Variants in EXOC6B observed in about 807,000 individuals in gnomAD.
EXOC6B encodes the protein SEC15 homolog B.
In EXOC6B, 54 loss-of-function variants were observed where a neutral mutation model predicts 113.5. The ratio of observed to expected loss-of-function variants is 0.48; its 90% CI spans 0.38 to 0.60. The LOEUF is 0.60. Ranked by LOEUF, EXOC6B falls within the 20% of genes least tolerant of loss-of-function variation. EXOC6B has a pLI of 0.00. For synonymous variants in EXOC6B, 357 were observed against 339.0 expected (o/e 1.05, Z -0.58); for missense variants, 797 against 977.5 (o/e 0.82, Z 2.46).
At chr2:72,269,324 G>C (rs1175274478) in intron 20 of EXOC6B, among the ~76,000 whole-genome samples, 1 of 152,132 alleles carries the variant, frequency 6.6e-6, no homozygotes, top group Non-Finnish European at 1.5e-5. Flanking sequence ...TTAAGGTATG[G>C]AGAAACACAT....
chr2:72,180,938 G>C (rs907030980), intron 21 of EXOC6B, among the ~76,000 whole-genome samples: 1 of 152,076 alleles, frequency 6.6e-6, no homozygotes, highest in South Asian at 2.1e-4. Context: ...GGCTGGGCGC[G>C]GTAGCTCACG....
At chr2:72,756,097 GC>G (rs1374328016) in intron 1 of EXOC6B, among the ~76,000 whole-genome samples, 3 of 152,046 alleles carry the variant, frequency 2.0e-5, no homozygotes, top group African/African-American at 7.2e-5. Context: ...CTGTGTTGGG[GC>G]GGGGGTTGTC....
At chr2:72,362,979 A>G (rs1031264577) in intron 19 of EXOC6B, among the ~76,000 whole-genome samples, 3 of 152,120 alleles carry the variant, frequency 2.0e-5, no homozygotes, top group Non-Finnish European at 4.4e-5. Context: ...AAACCCAGAC[A>G]CAGACTGAAT....
At chr2:72,782,072 A>G (rs757975354) in intron 1 of EXOC6B, among the ~76,000 whole-genome samples, 1 of 151,412 alleles carries the variant, frequency 6.6e-6, no homozygotes, top group Admixed American at 6.6e-5. Flanking sequence ...CCCGGGAAAC[A>G]GAGGTTGCAC....
At chr2:72,544,527 G>C (rs1297109477) in intron 8 of EXOC6B, among the ~76,000 whole-genome samples, 1 of 151,918 alleles carries the variant, frequency 6.6e-6, no homozygotes, top group Non-Finnish European at 1.5e-5. Context: ...CAGTGTATTA[G>C]GACGTGCTTG....
At position 72,179,202 on chromosome 2, in the gene EXOC6B, T is replaced by C. The variant is rs2104186945; in HGVS notation, c.*133A>G. The C allele has an allele frequency of 1.0e-6, 1 of 999,328 alleles. No individual in the cohort carries two copies. The highest frequency in any genetic ancestry group is 1.4e-6 in the Non-Finnish European group (1 of 702,330). 61.9% of individuals were successfully genotyped at this position (999,328 alleles called of 1,614,324 possible). On this transcript the variant is annotated 3_prime_UTR_variant, in exon 22 of 22. Transcript: ENST00000272427. Reference sequence around the variant, plus strand: ...CTATAGGGAAATGTTATGTGAATACTGCACAGGGGTTAATAAAAAAATACA... The same window carrying C: ...CTATAGGGAAATGTTATGTGAATACCGCACAGGGGTTAATAAAAAAATACA...
chr2:72,443,920 A>G (rs951744290), intron 18 of EXOC6B, among the ~76,000 whole-genome samples: 1 of 152,058 alleles, frequency 6.6e-6, no homozygotes, highest in African/African-American at 2.4e-5. Flanking sequence ...CCCAAATCTC[A>G]TATCCTCACA....
At chr2:72,561,775 T>G (rs1703899494) in intron 7 of EXOC6B, among the ~76,000 whole-genome samples, 1 of 152,188 alleles carries the variant, frequency 6.6e-6, no homozygotes, top group African/African-American at 2.4e-5. Context: ...CAACGAATAT[T>G]TACAACCAAA....
chr2:72,659,561 G>T (rs923215047), intron 6 of EXOC6B, among the ~76,000 whole-genome samples: 3 of 152,088 alleles, frequency 2.0e-5, no homozygotes, highest in Non-Finnish European at 4.4e-5. Context: ...TTCTATGAGG[G>T]TTTTGTTGTT....
At chr2:72,232,816 T>C (rs1366129904) in intron 20 of EXOC6B, among the ~76,000 whole-genome samples, 1 of 152,180 alleles carries the variant, frequency 6.6e-6, no homozygotes, top group African/African-American at 2.4e-5. Context: ...CTCATGCCTA[T>C]AATCCTAGCC....
At chr2:72,821,831 G>A (rs913855656) in intron 1 of EXOC6B, among the ~76,000 whole-genome samples, 1 of 152,080 alleles carries the variant, frequency 6.6e-6, no homozygotes, top group Non-Finnish European at 1.5e-5. Context: ...ATGGGTACAA[G>A]GTTTCTTTTT....
chr2:72,393,362 G>C (rs753382722), intron 18 of EXOC6B, among the ~76,000 whole-genome samples: 6 of 152,050 alleles, frequency 3.9e-5, no homozygotes, highest in Non-Finnish European at 7.4e-5. Context: ...TCAAAGTGCT[G>C]GGATTACAGG....
chr2:72,332,515 A>C (rs944447687), intron 20 of EXOC6B, among the ~76,000 whole-genome samples: 1 of 152,106 alleles, frequency 6.6e-6, no homozygotes, highest in Admixed American at 6.6e-5. Context: ...CCAAATAAAA[A>C]TATAAAGATT....
Position 72,778,424 on chromosome 2 carries a change from G to A in EXOC6B, c.114-36955C>T, listed in dbSNP as rs148580439. On this transcript the variant is annotated intron_variant, in intron 1 of 21. Transcript: ENST00000272427. ...AAGGGACATTATTATTTCTATTTTAGAGGTTCAGAAAACTAGTACTCAAAC... is the reference window on the plus strand; with the variant it reads ...AAGGGACATTATTATTTCTATTTTAAAGGTTCAGAAAACTAGTACTCAAAC... Among the ~76,000 whole-genome samples the A allele has an allele frequency of 6.6e-5, 10 of 152,276 alleles. No individual in the cohort carries two copies. In the South Asian group the frequency reaches 1.4e-3, roughly 22 times the overall value.
At chr2:72,742,005 C>T (rs1198746250) in intron 1 of EXOC6B, among the ~76,000 whole-genome samples, 1 of 152,156 alleles carries the variant, frequency 6.6e-6, no homozygotes, top group Non-Finnish European at 1.5e-5. Context: ...CTTACCTTGT[C>T]CTCTCCTCAA....
At chr2:72,458,516 G>A (rs900155811) in intron 18 of EXOC6B, among the ~76,000 whole-genome samples, 2 of 152,048 alleles carry the variant, frequency 1.3e-5, no homozygotes, top group Non-Finnish European at 2.9e-5. Context: ...TGGCACCAAT[G>A]GAAGCAATAT....
At chr2:72,570,245 G>A (rs1009964772) in intron 7 of EXOC6B, among the ~76,000 whole-genome samples, 1 of 152,294 alleles carries the variant, frequency 6.6e-6, no homozygotes, top group East Asian at 1.9e-4. Flanking sequence ...AAGCCAAGGA[G>A]AGAGGCCTTA....
At chr2:72,548,588 T>TAAC (rs1327244935) in intron 8 of EXOC6B, among the ~76,000 whole-genome samples, 2 of 152,176 alleles carry the variant, frequency 1.3e-5, no homozygotes, top group Non-Finnish European at 2.9e-5. Flanking sequence ...TGATATTGTG[T>TAAC]AACAGTCCCC....
intron 6 of EXOC6B, among the ~76,000 whole-genome samples, chr2:72,614,878 G>A (rs546562459): frequency 1.3e-5 from 2 of 152,234 alleles, no homozygotes; most frequent in South Asian, 4.1e-4. Context: ...AGCTTGAAAA[G>A]AGGAGGGCAG....
Sources: gnomAD v4.1 joint callset for allele counts (sites outside exome capture counted in the v4.1 genomes callset) on GRCh38, gnomAD v4.1.1 for gene constraint, MANE v1.5 for transcripts, NCBI Gene and HGNC (gene_info 2026-07-23, HGNC 2026-07-21) for gene names.